BICDL1: variants seen among roughly 807,000 people sequenced by gnomAD.
BICDL1 encodes BICD family-like cargo adapter 1.
A neutral mutation model predicts 76.8 loss-of-function variants in BICDL1; 20 were observed. The observed-to-expected ratio is 0.26, with a 90% CI of 0.18 to 0.38. The LOEUF (loss-of-function observed/expected upper bound fraction) is 0.38. Ranked by LOEUF, BICDL1 falls within the 10% of genes least tolerant of loss-of-function variation. The pLI is 1.00. For synonymous variants in BICDL1, 383 were observed against 337.1 expected (o/e 1.14, Z -1.49); for missense variants, 700 against 798.6 (o/e 0.88, Z 1.49).
chr12:120,027,753 A>C (rs2138745006), intron 2 of BICDL1, among the ~76,000 whole-genome samples: 1 of 152,340 alleles, frequency 6.6e-6, no homozygotes, highest in East Asian at 1.9e-4. Flanking sequence ...TCTTGGGTAT[A>C]GTGTAGTAAG....
At chr12:120,000,851 A>G (rs897747499) in intron 2 of BICDL1, among the ~76,000 whole-genome samples, 1 of 152,202 alleles carries the variant, frequency 6.6e-6, no homozygotes, top group East Asian at 1.9e-4. Flanking sequence ...TGAAATGAAA[A>G]ATGAGATAAT....
chr12:119,997,898 G>A (rs1463177615), intron 1 of BICDL1, among the ~76,000 whole-genome samples: 4 of 152,118 alleles, frequency 2.6e-5, no homozygotes, highest in South Asian at 2.1e-4. Context: ...GGGGGATCAC[G>A]AGGTCAAGAA....
In BICDL1 at chr12:119,989,767, GGCGAGGC is replaced by G; in HGVS notation, c.-98_-92del. On this transcript the variant is annotated 5_prime_UTR_variant, in exon 1 of 10. Transcript: ENST00000548673. ...CCCGGGGGCGCGTGCCGCGGCGCGA[GGCGAGGC>G]GCGGGACGCGGGGCGGCGCGGCAGG... The G allele has an allele frequency of 1.4e-5, 6 of 415,384 alleles. No homozygotes were observed. The highest frequency in any genetic ancestry group is 1.9e-5 in the Non-Finnish European group (6 of 313,378). The allele number at this position is 415,384 out of a possible 1,614,324, so 25.7% of individuals were successfully genotyped here.
In BICDL1 at chr12:120,074,525, TGGAG is replaced by T; in HGVS notation, c.1396_1399del (p.Gly466ArgfsTer5). 1 of 1,281,132 alleles carries T rather than the reference TGGAG, an allele frequency of 7.8e-7. No homozygotes were observed. The highest frequency in any genetic ancestry group is 1.0e-6 in the Non-Finnish European group (1 of 984,606). The allele number at this position is 1,281,132 out of a possible 1,614,324, so 79.4% of individuals were successfully genotyped here. On this transcript the variant is annotated frameshift_variant, in exon 7 of 10. Transcript: ENST00000548673. LOFTEE classifies it high-confidence loss of function. ...GACTCGAGAGCCCTAAGGGAGCTCA[TGGAG>T]GGAGAGAGGGGTAAACTGAGGCAAA...
rs927450277 is a variant in BICDL1 at position 120,094,435 on chromosome 12, C to T, written c.*1274C>T. On this transcript the variant is annotated 3_prime_UTR_variant, in exon 10 of 10. Transcript: ENST00000548673. ...CTATAAAGGCATATTTTTAGAAAAA[C>T]AGCACACCACTGCTTCTTTTGAAAA... is the stretch of plus-strand genomic sequence containing the variant. 3.0e-6 allele frequency: 1 copy of T among 331,092 alleles called. No homozygotes were observed. Among genetic ancestry groups the T allele is most frequent in the Non-Finnish European group, 6.1e-6 (1 of 162,622 alleles). The allele number at this position is 331,092 out of a possible 1,614,324, so 20.5% of individuals were successfully genotyped here.
At chr12:120,050,731 T>C (rs1952841288) in intron 2 of BICDL1, among the ~76,000 whole-genome samples, 1 of 151,902 alleles carries the variant, frequency 6.6e-6, no homozygotes, top group Non-Finnish European at 1.5e-5. Flanking sequence ...AACCTCTGCC[T>C]CCCAGGTTCA....
At chr12:119,997,131 A>G (rs900038767) in intron 1 of BICDL1, among the ~76,000 whole-genome samples, 1 of 152,080 alleles carries the variant, frequency 6.6e-6, no homozygotes, top group Admixed American at 6.6e-5. Context: ...TATTTTTAGT[A>G]GAGATCAGGT....
chr12:120,065,250 A>G lies in BICDL1; in HGVS notation c.909+371A>G, dbSNP rs185105401. Among the ~76,000 whole-genome samples, 20 of 152,282 alleles carry G rather than the reference A, an allele frequency of 1.3e-4. 1 individual carries two copies. The East Asian group carries it at 3.9e-3, about 29-fold the overall frequency. ...CCTGTGACTCTCTAACTCAGCTCAT[A>G]ATGCTCTCTGCTGCTGTCTTCCCAA... is the stretch of plus-strand genomic sequence containing the variant. On this transcript the variant is annotated intron_variant, in intron 4 of 9. Transcript: ENST00000548673.
intron 2 of BICDL1, among the ~76,000 whole-genome samples, chr12:120,045,176 C>T (rs1052618619): frequency 1.1e-4 from 16 of 152,144 alleles, no homozygotes; most frequent in Non-Finnish European, 1.9e-4. Context: ...AAATGCTCAC[C>T]ATCACTGGCC....
intron 2 of BICDL1, chr12:120,056,979 G>T (rs979028481): frequency 3.6e-5 from 17 of 470,968 alleles, no homozygotes; most frequent in Non-Finnish European, 8.4e-6. Flanking sequence ...CCAAGCCCTG[G>T]GTTGGATAGG....
At chr12:120,021,586 CAAAAAAAAA>C (rs145151630) in intron 2 of BICDL1, among the ~76,000 whole-genome samples, 5 of 46,310 alleles carry the variant, frequency 1.1e-4, no homozygotes, top group African/African-American at 2.5e-4. Context: ...GACTCCATCT[CAAAAAAAAA>C]AAAAAAAAAA....
At chr12:120,034,309 A>G (rs889217782) in intron 2 of BICDL1, among the ~76,000 whole-genome samples, 3 of 152,242 alleles carry the variant, frequency 2.0e-5, no homozygotes, top group Admixed American at 1.3e-4. Flanking sequence ...AGGTTACTTG[A>G]ATGTAACTCA....
At chr12:120,031,203 CT>C (rs140797711) in intron 2 of BICDL1, among the ~76,000 whole-genome samples, 29,702 of 130,400 alleles carry the variant, frequency 0.23, 2,323 homozygotes, top group East Asian at 0.41. Flanking sequence ...TAACATGTTC[CT>C]TTTTTTTTTT....
chr12:120,014,432 G>A (rs528708466), intron 2 of BICDL1, among the ~76,000 whole-genome samples: 112 of 152,264 alleles, frequency 7.4e-4, no homozygotes, highest in Non-Finnish European at 1.3e-4. Context: ...AGTGGCTCAC[G>A]TCTGTAATCT....
At chr12:120,051,492 TTG>T (rs1254701029) in intron 2 of BICDL1, among the ~76,000 whole-genome samples, 2 of 152,186 alleles carry the variant, frequency 1.3e-5, no homozygotes, top group Admixed American at 6.5e-5. Flanking sequence ...GGGTACATGT[TTG>T]TTTTTAATTT....
Position 120,054,829 on chromosome 12 carries a change from G to A in BICDL1, c.646-6881G>A, listed in dbSNP as rs1384969337. Reference sequence around the variant, plus strand: ...TGGGAGGCGGAGGTTGCAGTGAGCCGAGATCGCACGACAGCACTCCAGTCT... The same window carrying A: ...TGGGAGGCGGAGGTTGCAGTGAGCCAAGATCGCACGACAGCACTCCAGTCT... On this transcript the variant is annotated intron_variant, in intron 2 of 9. Transcript: ENST00000548673. Among the ~76,000 whole-genome samples the A allele has an allele frequency of 5.3e-5, 8 of 152,106 alleles. No homozygotes were observed. The East Asian group carries it at 5.8e-4, about 11-fold the overall frequency.
At chr12:120,018,148 A>G (rs1266583482) in intron 2 of BICDL1, among the ~76,000 whole-genome samples, 1 of 152,152 alleles carries the variant, frequency 6.6e-6, no homozygotes, top group Non-Finnish European at 1.5e-5. Flanking sequence ...TGCGCTGGAT[A>G]CCGATGTCTG....
At position 120,093,329 on chromosome 12, in the gene BICDL1, C is replaced by G. The variant is rs1345055517; in HGVS notation, c.*168C>G. ...CCCTTTCGTCGGTGGGGATGGAGAC[C>G]TAGAGGTGGGGGCCTGCCTTGGCCA... is the stretch of plus-strand genomic sequence containing the variant. On this transcript the variant is annotated 3_prime_UTR_variant, in exon 10 of 10. Coordinates refer to ENST00000548673, the MANE Select transcript of BICDL1 (RefSeq NM_001367886.1). 1.3e-6 allele frequency: 1 copy of G among 784,438 alleles called. No individual in the cohort carries two copies. Among genetic ancestry groups the G allele is most frequent in the Non-Finnish European group, 2.0e-6 (1 of 505,316 alleles). The allele number at this position is 784,438 out of a possible 1,614,324, so 48.6% of individuals were successfully genotyped here.
At chr12:120,061,926 G>C in intron 3 of BICDL1, 100 bp downstream of exon 3, 1 of 747,892 alleles carries the variant, frequency 1.3e-6, no homozygotes, top group Non-Finnish European at 2.3e-6. Context: ...TCTACAGAAA[G>C]ACATTTCTGT....
Sources: gnomAD v4.1 joint callset for allele counts (sites outside exome capture counted in the v4.1 genomes callset) on GRCh38, gnomAD v4.1.1 for gene constraint, MANE v1.5 for transcripts, NCBI Gene and HGNC (gene_info 2026-07-23, HGNC 2026-07-21) for gene names.